The following CUL5 variants were observed in gnomAD, a reference collection of about 807,000 sequenced individuals.
CUL5 encodes cullin-5.
In CUL5, 26 loss-of-function variants were observed where a neutral mutation model predicts 108.8. The ratio of observed to expected loss-of-function variants is 0.24; its 90% confidence interval spans 0.18 to 0.33. The LOEUF (loss-of-function observed/expected upper bound fraction) is 0.33, where lower values mean the gene tolerates loss of function less well. Ranked by LOEUF, CUL5 falls within the 10% of genes least tolerant of loss-of-function variation. CUL5 has a pLI of 1.00. For synonymous variants in CUL5, 334 were observed against 298.0 expected, an observed-to-expected ratio of 1.12 and a Z score of -1.25; for missense variants, 524 against 909.2, an observed-to-expected ratio of 0.58 and a Z score of 5.45.
At chr11:108,102,477 C>A (rs1434225389) in intron 18 of CUL5, among the ~76,000 whole-genome samples, 1 of 152,174 alleles carries the variant, frequency 6.6e-6, no homozygotes, top group East Asian at 1.9e-4. Flanking sequence ...CAGGCGCGTG[C>A]CACCATACCC....
At chr11:108,087,270 T>A (rs1864241355) in intron 11 of CUL5, among the ~76,000 whole-genome samples, 1 of 152,224 alleles carries the variant, frequency 6.6e-6, no homozygotes, top group African/African-American at 2.4e-5. Context: ...TAAGAGTTGA[T>A]GCATCCAGTA....
chr11:108,094,466 A>G lies in CUL5; in HGVS notation c.1519A>G (p.Asn507Asp). 1 of 1,551,336 alleles carries G rather than the reference A, an allele frequency of 6.4e-7. No homozygotes were observed. Among genetic ancestry groups the G allele is most frequent in the Non-Finnish European group, 8.8e-7 (1 of 1,135,566 alleles). Residue 507 changes from asparagine to aspartate, a missense_variant, in exon 14 of 19, where the codon AAC becomes GAC. Physicochemically the swap from Asn to Asp is conservative, Grantham distance 23. Transcript: ENST00000393094. ...GGACATAAAAGTATCTGAAGATTTG[A>G]ACCAAGCTTTTAAGGAAATGCACAA... ...FQDIKVSEDLNQAFKEMHKNN... is the reference protein window; with the variant it reads ...FQDIKVSEDLDQAFKEMHKNN...
chr11:108,012,374 G>A (rs907134415), intron 1 of CUL5, among the ~76,000 whole-genome samples: 1 of 151,816 alleles, frequency 6.6e-6, no homozygotes, highest in African/African-American at 2.4e-5. Context: ...TATTTGAAGT[G>A]CCCTTAACTT....
intron 2 of CUL5, among the ~76,000 whole-genome samples, chr11:108,044,323 C>T (rs1863010812): frequency 1.3e-5 from 2 of 151,816 alleles, no homozygotes; most frequent in African/African-American, 2.4e-5. Flanking sequence ...CATGATCAGT[C>T]CAGACAACAT....
chr11:108,065,883 A>G (rs188730150), intron 7 of CUL5, among the ~76,000 whole-genome samples: 8 of 151,134 alleles, frequency 5.3e-5, no homozygotes, highest in Admixed American at 4.6e-4. Flanking sequence ...ATCTTGCTCC[A>G]CTCCTCTATT....
intron 17 of CUL5, 119 bp from the exon 18 acceptor site, chr11:108,098,287 C>A: frequency 1.1e-6 from 1 of 903,070 alleles, no homozygotes; most frequent in Non-Finnish European, 1.6e-6. Flanking sequence ...GTCATTTAAC[C>A]TTTAAACAGT....
At position 108,095,702 on chromosome 11, in the gene CUL5, G is replaced by T; in HGVS notation, c.1905+11G>T. ...AGGAGGACTTTATGGGTTGGTTTAT[G>T]TTTTTTTGTTTTTAAGACTGTATCC... On this transcript the variant is annotated intron_variant, in intron 16 of 18. Transcript: ENST00000393094. The T allele has an allele frequency of 6.2e-7, 1 of 1,604,292 alleles. No individual in the cohort carries two copies. The highest frequency in any genetic ancestry group is 1.1e-5 in the South Asian group (1 of 89,260).
intron 18 of CUL5, among the ~76,000 whole-genome samples, chr11:108,098,884 T>C (rs1461674337): frequency 6.6e-6 from 1 of 152,134 alleles, no homozygotes; most frequent in Non-Finnish European, 1.5e-5. Context: ...TAAGACCTTC[T>C]GAATATAATA....
intron 7 of CUL5, among the ~76,000 whole-genome samples, chr11:108,055,975 T>C (rs1309222220): frequency 6.6e-6 from 1 of 152,070 alleles, no homozygotes; most frequent in African/African-American, 2.4e-5. Context: ...GAGCAGGTCT[T>C]GCTATGTAGC....
intron 1 of CUL5, among the ~76,000 whole-genome samples, chr11:108,033,065 C>T (rs943939850): frequency 1.3e-5 from 2 of 152,104 alleles, no homozygotes; most frequent in Non-Finnish European, 2.9e-5. Context: ...AGCTGTTGTA[C>T]CCATAGTTAT....
chr11:108,026,141 A>G (rs1041843036), intron 1 of CUL5, among the ~76,000 whole-genome samples: 2 of 152,100 alleles, frequency 1.3e-5, no homozygotes, highest in Non-Finnish European at 2.9e-5. Context: ...TCCCTTCAAT[A>G]CACTTTTTGC....
intron 2 of CUL5, among the ~76,000 whole-genome samples, chr11:108,041,785 T>C (rs2135108961): frequency 6.6e-6 from 1 of 152,018 alleles, no homozygotes; most frequent in African/African-American, 2.4e-5. Flanking sequence ...GGAGATGGGG[T>C]TTCATCATGT....
chr11:108,032,724 T>C (rs760069504), intron 1 of CUL5, among the ~76,000 whole-genome samples: 4 of 152,194 alleles, frequency 2.6e-5, no homozygotes, highest in Non-Finnish European at 5.9e-5. Flanking sequence ...GATTTGATAA[T>C]ATTTATTTAG....
intron 18 of CUL5, among the ~76,000 whole-genome samples, chr11:108,103,264 T>C (rs1031619510): frequency 1.3e-5 from 2 of 152,178 alleles, no homozygotes; most frequent in Admixed American, 6.6e-5. Flanking sequence ...TTTATTTCTT[T>C]AGAAACTTAA....
At chr11:108,067,109 G>T (rs562509003) in intron 7 of CUL5, among the ~76,000 whole-genome samples, 1 of 152,338 alleles carries the variant, frequency 6.6e-6, no homozygotes, top group South Asian at 2.1e-4. Context: ...ACATTTGGAA[G>T]TTATGTGGCT....
chr11:108,034,716 G>GCT (rs1862687318), intron 2 of CUL5, among the ~76,000 whole-genome samples: 1 of 152,168 alleles, frequency 6.6e-6, no homozygotes, highest in Non-Finnish European at 1.5e-5. Context: ...TCTCTTCCCA[G>GCT]CTGCTGTGTT....
chr11:108,057,935 G>T (rs774890602), intron 7 of CUL5, among the ~76,000 whole-genome samples: 2 of 152,112 alleles, frequency 1.3e-5, no homozygotes, highest in African/African-American at 2.4e-5. Context: ...TATTGGCTGG[G>T]TGCAGTGGCT....
chr11:108,098,571 TAG>T, intron 18 of CUL5, 42 bp downstream of exon 18: 4 of 1,358,708 alleles, frequency 2.9e-6, no homozygotes, highest in South Asian at 3.3e-5. Context: ...AAAAAAACTT[TAG>T]TTTTTTTTTT....
At chr11:108,082,032 A>C (rs1864100009) in intron 11 of CUL5, among the ~76,000 whole-genome samples, 1 of 152,184 alleles carries the variant, frequency 6.6e-6, no homozygotes, top group Non-Finnish European at 1.5e-5. Flanking sequence ...AATGCATTGA[A>C]TTGTATTAAT....
Sources: gnomAD v4.1 joint callset for allele counts (sites outside exome capture counted in the v4.1 genomes callset) on GRCh38, gnomAD v4.1.1 for gene constraint, MANE v1.5 for transcripts, NCBI Gene and HGNC (gene_info 2026-07-23, HGNC 2026-07-21) for gene names.